Variants in MKI67 observed in about 807,000 individuals in gnomAD.
MKI67 encodes the protein marker of proliferation Ki-67, also known as proliferation marker protein Ki-67.
A neutral mutation model predicts 233.5 loss-of-function variants in MKI67; 152 were observed. The observed-to-expected ratio is 0.65, with a 90% CI of 0.57 to 0.74. The LOEUF (loss-of-function observed/expected upper bound fraction) is 0.74, where lower values mean the gene tolerates loss of function less well. Among genes scored for constraint, MKI67 ranks in the 30% least tolerant of loss-of-function variants. The probability of loss-of-function intolerance (pLI) is 0.00; values close to 1 mark genes in which losing one functional copy is unlikely to be tolerated. For missense variants in MKI67, 3,940 were observed against 3,885.2 expected (o/e 1.01, Z -0.37); for synonymous variants, 1,465 against 1,418.5 (o/e 1.03, Z -0.74).
Position 128,108,612 on chromosome 10 carries a change from C to CA in MKI67, c.3227dup (p.Asp1077GlyfsTer17), listed in dbSNP as rs764971681. On this transcript the variant is annotated frameshift_variant, in exon 13 of 15. Coordinates refer to ENST00000368654, the MANE Select transcript of MKI67 (RefSeq NM_002417.5). LOFTEE classifies it high-confidence loss of function. Reference sequence around the variant, plus strand: ...TTCCAGTTACACGGGCTGCTGGGTCCAGGATCTGCTTTGGAGACTCCTTAA... The same window carrying CA: ...TTCCAGTTACACGGGCTGCTGGGTCCAAGGATCTGCTTTGGAGACTCCTTAA... 14 of 1,614,070 alleles carry CA rather than the reference C, an allele frequency of 8.7e-6. No homozygotes were observed. The highest frequency in any genetic ancestry group is 1.7e-5 in the Admixed American group (1 of 60,008).
intron 5 of MKI67, among the ~76,000 whole-genome samples, chr10:128,117,863 C>T (rs1852840044): frequency 6.6e-6 from 1 of 152,220 alleles, no homozygotes; most frequent in Non-Finnish European, 1.5e-5. Flanking sequence ...TTACTACATA[C>T]TCCATTTCAG....
At chr10:128,114,829 T>C in intron 7 of MKI67, 99 bp downstream of exon 7, 1 of 1,234,538 alleles carries the variant, frequency 8.1e-7, no homozygotes, top group Non-Finnish European at 1.1e-6. Context: ...TTACATTCTC[T>C]TCCACAAAGC....
chr10:128,100,407 G>T (rs1377210834), intron 14 of MKI67, among the ~76,000 whole-genome samples: 1 of 152,200 alleles, frequency 6.6e-6, no homozygotes. Context: ...GTGCCGAAGA[G>T]GGTCTGTCTG....
chr10:128,114,535 G>A (rs560338407), intron 7 of MKI67, among the ~76,000 whole-genome samples: 5 of 152,088 alleles, frequency 3.3e-5, no homozygotes, highest in Non-Finnish European at 5.9e-5. Context: ...GATTACCAGT[G>A]ATTTATTCCA....
At position 128,114,950 on chromosome 10, in the gene MKI67, G is replaced by A; in HGVS notation, c.1458C>T (p.Ile486=). ...TACTAATGGAATCACCAAAGTTGTTGATATCAACTGAACTAAGACCAGGTA... is the reference window on the plus strand; with the variant it reads ...TACTAATGGAATCACCAAAGTTGTTAATATCAACTGAACTAAGACCAGGTA... The part of the protein sequence containing the change: ...SGLPGLSSVD[I]NNFGDSINES... Residue 486 remains isoleucine, a synonymous_variant, in exon 7 of 15, where the codon ATC becomes ATT. Coordinates refer to ENST00000368654, the MANE Select transcript of MKI67 (RefSeq NM_002417.5). 3.2e-6 allele frequency: 5 copies of A among 1,557,476 alleles called. No homozygotes were observed. In the South Asian group the frequency reaches 3.6e-5, roughly 11 times the overall value.
rs1436711163 is a variant in MKI67 at position 128,098,539 on chromosome 10, A to C, written c.*651T>G. On this transcript the variant is annotated 3_prime_UTR_variant, in exon 15 of 15. Transcript: ENST00000368654. ...TTAGAAAAGTATTCCCAAGAGACCA[A>C]GGCAAGCCACGAGTCACTCCTTACA... The C allele has an allele frequency of 2.0e-5, 3 of 152,216 alleles. No individual in the cohort carries two copies. Among genetic ancestry groups the C allele is most frequent in the Non-Finnish European group, 4.4e-5 (3 of 68,058 alleles). The allele number at this position is 152,216 out of a possible 1,614,324, so 9.4% of individuals were successfully genotyped here.
Position 128,107,702 on chromosome 10 carries a change from A to T in MKI67, c.4138T>A (p.Ser1380Thr). 1 of 1,611,870 alleles carries T rather than the reference A, an allele frequency of 6.2e-7. No homozygotes were observed. ...KMPCESSPPE[S>T]ADTPTSTRRQ... ...CTTGTGCTTGTTGGGGTGTCTGCTG[A>T]TTCTGGTGGAGAAGATTCGCAGGGC... Residue 1380 changes from serine to threonine, a missense_variant, in exon 13 of 15, where the codon TCA (serine) becomes ACA (threonine). By Grantham distance (58) the Ser-to-Thr change is moderately conservative. Transcript: ENST00000368654.
At chr10:128,113,363 A>G (rs1852723029) in intron 8 of MKI67, 64 bp downstream of exon 8, 1 of 1,489,898 alleles carries the variant, frequency 6.7e-7, no homozygotes, top group African/African-American at 1.4e-5. Context: ...CAGTATTTGG[A>G]AAGGAATAGG....
Position 128,103,752 on chromosome 10 carries a change from C to T in MKI67, c.8088G>A (p.Leu2696=), listed in dbSNP as rs1852402007. 1 of 1,613,682 alleles carries T rather than the reference C, an allele frequency of 6.2e-7. No individual in the cohort carries two copies. Among genetic ancestry groups the T allele is most frequent in the Admixed American group, 1.7e-5 (1 of 59,970 alleles). Residue 2696 remains leucine (L), a synonymous_variant, in exon 13 of 15, where the codon CTG becomes CTA. Coordinates refer to ENST00000368654, the MANE Select transcript of MKI67 (RefSeq NM_002417.5). ...SETSGHTQES[L]TAGKATKIPC... Reference sequence around the variant, plus strand: ...GTATTTTAGTGGCTTTGCCAGCAGTCAGTGATTCCTGAGTGTGACCTGATG... The same window carrying T: ...GTATTTTAGTGGCTTTGCCAGCAGTTAGTGATTCCTGAGTGTGACCTGATG...
rs770755459 is a variant in MKI67, at chr10:128,108,298, C to T, written c.3542G>A (p.Gly1181Glu). 3.3e-5 allele frequency: 54 copies of T among 1,613,232 alleles called. No homozygotes were observed. Among genetic ancestry groups the T allele is most frequent in the Non-Finnish European group, 4.4e-5 (52 of 1,179,842 alleles). ...TGCTTTAATGTCTTTCTCATCACCT[C>T]CTGCTGGTTTGGGCGTAAGCATGGC... ...GKAMLTPKPA[G>E]GDEKDIKAFM... Residue 1181 changes from glycine (G) to glutamate (E), a missense_variant, in exon 13 of 15, where the codon GGA becomes GAA. Transcript: ENST00000368654.
Position 128,104,894 on chromosome 10 carries a change from G to T in MKI67, c.6946C>A (p.Leu2316Met), listed in dbSNP as rs747816426. ...PKEKAQALED[L>M]AGFKELFQTP... ...TGGAAGAGCTCTTTGAAGCCAGCCA[G>T]GTCTTCTAGAGCCTGGGCCTTTTCC... The change falls in exon 13 of 15, where the codon CTG (leucine) becomes ATG (methionine). Residue 2316 changes from leucine to methionine, a missense_variant. Leu to Met is a conservative substitution (Grantham distance 15). Coordinates refer to ENST00000368654, the MANE Select transcript of MKI67 (RefSeq NM_002417.5). The T allele has an allele frequency of 1.4e-5, 23 of 1,609,774 alleles. No individual in the cohort carries two copies. The highest frequency in any genetic ancestry group is 1.0e-4 in the Admixed American group (6 of 59,550).
intron 6 of MKI67, among the ~76,000 whole-genome samples, chr10:128,116,242 A>G (rs551495484): frequency 6.6e-6 from 1 of 152,318 alleles, no homozygotes; most frequent in East Asian, 1.9e-4. Context: ...CTATCTAACT[A>G]CTGAGAACTG....
rs775657341 is a variant in MKI67, at chr10:128,102,708, G to A, written c.9132C>T (p.Pro3044=). 18 of 1,614,040 alleles carry A rather than the reference G, an allele frequency of 1.1e-5. No homozygotes were observed. The highest frequency in any genetic ancestry group is 1.6e-4 in the Middle Eastern group (1 of 6,084). ...TCAAACTTCTCTTCATGATGACCAC[G>A]GGTTCGGATGATTTGCCTCTTGCCC... is the stretch of plus-strand genomic sequence containing the variant. ...APRARGKSSE[P]VVIMKRSLRT... The change falls in exon 13 of 15, where the codon CCC becomes CCT. Residue 3044 remains proline (P), a synonymous_variant. Coordinates refer to ENST00000368654, the MANE Select transcript of MKI67 (RefSeq NM_002417.5).
At chr10:128,112,082 G>C in intron 9 of MKI67, 37 bp from the exon 10 acceptor site, 1 of 1,605,198 alleles carries the variant, frequency 6.2e-7, no homozygotes, top group South Asian at 1.1e-5. Flanking sequence ...TCAAAAATTA[G>C]CATTCATGAA....
rs779293410 is a variant in MKI67, at chr10:128,115,003, T to A, written c.1405A>T (p.Thr469Ser). 3 of 1,610,392 alleles carry A rather than the reference T, an allele frequency of 1.9e-6. No homozygotes were observed. In the South Asian group the frequency reaches 3.3e-5, roughly 18 times the overall value. ...CCAGAGCACATCTGTCCAGCTGTAG[T>A]GCCCAATTTCTCAGGCTTGCTGAGG... ...DSLSKPEKLG[T>S]TAGQMCSGLP... The change falls in exon 7 of 15, where the codon ACT becomes TCT. Residue 469 changes from threonine (T) to serine (S), a missense_variant. Physicochemically the swap from Thr to Ser is moderately conservative, Grantham distance 58 (BLOSUM62 1). Coordinates refer to ENST00000368654, the MANE Select transcript of MKI67 (RefSeq NM_002417.5).
Position 128,108,823 on chromosome 10 carries a change from G to A in MKI67, c.3017C>T (p.Pro1006Leu), listed in dbSNP as rs1265319059. 1.9e-6 allele frequency: 3 copies of A among 1,614,024 alleles called. No homozygotes were observed. Among genetic ancestry groups the A allele is most frequent in the East Asian group, 4.5e-5 (2 of 44,878 alleles). ...TGGTTCTGGTTGTAATGACTGGCAG[G>A]GCATTTTAGTGATTTTGCCTTTCTC... ...KSEKGKITKMPCQSLQPEPIN... is the reference protein window; with the variant it reads ...KSEKGKITKMLCQSLQPEPIN... The change falls in exon 13 of 15, where the codon CCC (proline) becomes CTC (leucine). Residue 1006 changes from proline to leucine, a missense_variant. Physicochemically the swap from Pro to Leu is moderately conservative, Grantham distance 98. Transcript: ENST00000368654.
rs1444887343 is a variant in MKI67, at chr10:128,110,636, G to T, written c.2261-103C>A. ...GTGCAAATGGTGGGAAATAACAGTA[G>T]ATTCCTCCCTTGAAATCCTGGTACA... On this transcript the variant is annotated intron_variant, in intron 11 of 14. Coordinates refer to ENST00000368654, the MANE Select transcript of MKI67 (RefSeq NM_002417.5). 3 of 802,994 alleles carry T rather than the reference G, an allele frequency of 3.7e-6. No individual in the cohort carries two copies. The Admixed American group carries it at 7.5e-5, about 20-fold the overall frequency. The allele number at this position is 802,994 out of a possible 1,614,324, so 49.7% of individuals were successfully genotyped here. A position where few individuals can be genotyped will look rare whatever the true frequency, so the allele number is the denominator to read the frequency against.
rs746030916 is a variant in MKI67, at chr10:128,101,320, C to T, written c.9643G>A (p.Glu3215Lys). The change falls in exon 14 of 15, where the codon GAG (glutamate) becomes AAG (lysine). Residue 3215 changes from glutamate to lysine, a missense_variant. Coordinates refer to ENST00000368654, the MANE Select transcript of MKI67 (RefSeq NM_002417.5). ...TKSQPAASTL[E>K]SKSVQRVTRS... Reference sequence around the variant, plus strand: ...GTTACTCTCTGCACAGATTTGCTCTCCAAAGTGCTTGCTGCAGGCTGGCTT... The same window carrying T: ...GTTACTCTCTGCACAGATTTGCTCTTCAAAGTGCTTGCTGCAGGCTGGCTT... 1 of 1,614,208 alleles carries T rather than the reference C, an allele frequency of 6.2e-7. No homozygotes were observed. Among genetic ancestry groups the T allele is most frequent in the South Asian group, 1.1e-5 (1 of 91,092 alleles).
rs374327722 is a variant in MKI67, at chr10:128,115,864, C to T, written c.544G>A (p.Val182Ile). 4.0e-5 allele frequency: 65 copies of T among 1,608,684 alleles called. No individual in the cohort carries two copies. Among genetic ancestry groups the T allele is most frequent in the East Asian group, 2.5e-4 (11 of 44,896 alleles). ...KDSVAQGTTN[V>I]HSSEHAGRNG... ...CGTCCAGCATGTTCTGAGGAATGAA[C>T]ATTAGTTGTTCCCTGAGCAACACTG... The change falls in exon 7 of 15, where the codon GTT becomes ATT. Residue 182 changes from valine to isoleucine, a missense_variant. Coordinates refer to ENST00000368654, the MANE Select transcript of MKI67 (RefSeq NM_002417.5).
Sources: gnomAD v4.1 joint callset for allele counts (sites outside exome capture counted in the v4.1 genomes callset) on GRCh38, gnomAD v4.1.1 for gene constraint, MANE v1.5 for transcripts, NCBI Gene and HGNC (gene_info 2026-07-23, HGNC 2026-07-21) for gene names.